The following LRRN4 variants were observed in gnomAD, a reference collection of about 807,000 sequenced individuals.
The protein encoded by LRRN4 is leucine-rich repeat neuronal protein 4.
Under a neutral mutation model 22.3 loss-of-function variants are expected in LRRN4, and 26 were observed. That is an observed-to-expected ratio of 1.16 (90% CI 0.85 to 1.62). The LOEUF is 1.62. Ranked by LOEUF, LRRN4 falls within the 40% of genes most tolerant of loss-of-function variation. The pLI is 0.00. For missense variants in LRRN4, 1,070 were observed against 1,008.5 expected, an observed-to-expected ratio of 1.06 and a Z score of -0.83; for synonymous variants, 496 against 486.2, an observed-to-expected ratio of 1.02 and a Z score of -0.26.
At position 6,050,924 on chromosome 20, in the gene LRRN4, G is replaced by A. The variant is rs556070083; in HGVS notation, c.715C>T (p.Pro239Ser). 9 of 1,614,154 alleles carry A rather than the reference G, an allele frequency of 5.6e-6. No individual in the cohort carries two copies. In the South Asian group the frequency reaches 6.6e-5, roughly 12 times the overall value. The change falls in exon 3 of 5, where the codon CCT (proline) becomes TCT (serine). Residue 239 changes from proline to serine, a missense_variant. Physicochemically the swap from Pro to Ser is moderately conservative, Grantham distance 74 (BLOSUM62 -1). Transcript: ENST00000378858. ...TCCCCCTCCAGGGTCGTCAGCCGAGGCATCTTCCTCAGGTAGAGGGATGTG... is the reference window on the plus strand; with the variant it reads ...TCCCCCTCCAGGGTCGTCAGCCGAGACATCTTCCTCAGGTAGAGGGATGTG... ...KLTSLYLRKM[P>S]RLTTLEGDIF...
At chr20:6,046,815 G>A (rs1036895659) in intron 3 of LRRN4, among the ~76,000 whole-genome samples, 2 of 148,822 alleles carry the variant, frequency 1.3e-5, no homozygotes, top group Non-Finnish European at 3.0e-5. Context: ...ATATACAAGT[G>A]TATATATGTA....
chr20:6,051,098 C>T (rs1430654281), intron 2 of LRRN4, 115 bp from the exon 3 acceptor site: 11 of 864,814 alleles, frequency 1.3e-5, no homozygotes, highest in Admixed American at 2.2e-5. Context: ...CATCGCTGAG[C>T]ACGGGCACAG....
At position 6,044,726 on chromosome 20, in the gene LRRN4, G is replaced by C; in HGVS notation, c.861-46C>G. On this transcript the variant is annotated intron_variant, in intron 3 of 4. Transcript: ENST00000378858. ...TTAATTAAGTCAGGTTTTTACAATT[G>C]TATCAAAGATATTCCCAGAGAGGCA... 6 of 1,440,712 alleles carry C rather than the reference G, an allele frequency of 4.2e-6. No homozygotes were observed. In the South Asian group the frequency reaches 9.9e-5, roughly 24 times the overall value. 89.2% of individuals were successfully genotyped at this position (1,440,712 alleles called of 1,614,324 possible). A position where few individuals can be genotyped will look rare whatever the true frequency, so the allele number is the denominator to read the frequency against.
intron 4 of LRRN4, 81 bp downstream of exon 4, chr20:6,044,462 T>G: frequency 1.5e-6 from 2 of 1,299,470 alleles, no homozygotes; most frequent in Non-Finnish European, 2.0e-6. Flanking sequence ...CATGGTCACA[T>G]GAGCAAGATG....
Position 6,049,865 on chromosome 20 carries a change from C to T in LRRN4, c.860+914G>A, listed in dbSNP as rs117344471. ...TCGCATTATAATTAGCACCAACAGC[C>T]TTCATCATCACCATCACCATCACTG... On this transcript the variant is annotated intron_variant, in intron 3 of 4. Transcript: ENST00000378858. 7.8e-3 allele frequency among the ~76,000 whole-genome samples: 1,193 copies of T among 152,200 alleles called. 5 individuals carry two copies. The highest frequency in any genetic ancestry group is 0.013 in the Non-Finnish European group (918 of 68,006).
chr20:6,047,224 C>T (rs1981120697), intron 3 of LRRN4, among the ~76,000 whole-genome samples: 1 of 152,134 alleles, frequency 6.6e-6, no homozygotes, highest in South Asian at 2.1e-4. Context: ...GTATTCTCTA[C>T]TTCTGATAGG....
rs1568638508 is a variant in LRRN4, at chr20:6,041,178, G to A, written c.2067C>T (p.Ala689=). The change falls in exon 5 of 5, where the codon GCC becomes GCT. Residue 689 remains alanine, a synonymous_variant. Transcript: ENST00000378858. This position sits in a 1 kb window ranked among gnomAD's most constrained non-coding sequence, Gnocchi z 9.4. The stretch of plus-strand genomic sequence containing the variant: ...TGCTGGCGAGCAACAGGCCGCTGGC[G>A]GCGCACAGCCCAGAGAGCAGGAGCG... ...SFALLLSGLC[A]ASGLLLASTV... The A allele has an allele frequency of 3.1e-6, 5 of 1,598,506 alleles. No individual in the cohort carries two copies. Among genetic ancestry groups the A allele is most frequent in the East Asian group, 2.3e-5 (1 of 43,980 alleles).
chr20:6,042,301 C>A, intron 4 of LRRN4, 55 bp from the exon 5 acceptor site: 1 of 1,536,176 alleles, frequency 6.5e-7, no homozygotes, highest in Non-Finnish European at 8.7e-7. Context: ...CACTTCTGCG[C>A]AGAGCTTTGA....
Position 6,041,903 on chromosome 20 carries a change from T to C in LRRN4, c.1342A>G (p.Arg448Gly). 6.2e-7 allele frequency: 1 copy of C among 1,614,004 alleles called. No homozygotes were observed. ...TGGGTCCTGGTGGTGCTGGCAGCCC[T>C]GGGGAAAACGCTGGAGTTGCTGTGA... ...AGHSNSSVFP[R>G]AASTTRTQHR... The change falls in exon 5 of 5, where the codon AGG becomes GGG. Residue 448 changes from arginine to glycine, a missense_variant. Arg to Gly is a moderately radical substitution (Grantham distance 125). Coordinates refer to ENST00000378858, the MANE Select transcript of LRRN4 (RefSeq NM_152611.5). This position sits in a 1 kb window ranked among gnomAD's most constrained non-coding sequence, Gnocchi z 9.4.
rs756500031 is a variant in LRRN4 at position 6,052,767 on chromosome 20, C to G, written c.33G>C (p.Thr11=). The change falls in exon 2 of 5, where the codon ACG becomes ACC. Residue 11 remains threonine (T), a synonymous_variant. Coordinates refer to ENST00000378858, the MANE Select transcript of LRRN4 (RefSeq NM_152611.5). The part of the protein sequence containing the change: MRQTLPLLLL[T]VLRPSWADPP... ...GGTCTGCCCAGCTGGGGCGCAGCAC[C>G]GTCAGCAGCAGCAGCGGTAGGGTTT... 15 of 1,575,322 alleles carry G rather than the reference C, an allele frequency of 9.5e-6. No homozygotes were observed. The highest frequency in any genetic ancestry group is 3.4e-5 in the South Asian group (3 of 87,170).
At position 6,041,969 on chromosome 20, in the gene LRRN4, G is replaced by A. The variant is rs1278663423; in HGVS notation, c.1276C>T (p.Arg426Trp). The A allele has an allele frequency of 7.4e-6, 12 of 1,614,068 alleles. No individual in the cohort carries two copies. Among genetic ancestry groups the A allele is most frequent in the Middle Eastern group, 3.3e-4 (2 of 6,058 alleles). Residue 426 changes from arginine (R) to tryptophan (W), a missense_variant, in exon 5 of 5, where the codon CGG (arginine) becomes TGG (tryptophan). Physicochemically the swap from Arg to Trp is moderately radical, Grantham distance 101. Coordinates refer to ENST00000378858, the MANE Select transcript of LRRN4 (RefSeq NM_152611.5). This position sits in a 1 kb window ranked among gnomAD's most constrained non-coding sequence, Gnocchi z 9.4. ...TIAAWPHSDAREGTAPSTTNS... is the reference protein window; with the variant it reads ...TIAAWPHSDAWEGTAPSTTNS... ...GTCGTGGAGGGGGCAGTCCCCTCCC[G>A]TGCATCGCTGTGCGGCCATGCAGCT... is the stretch of plus-strand genomic sequence containing the variant.
chr20:6,050,034 C>CT (rs1022105052), intron 3 of LRRN4, among the ~76,000 whole-genome samples: 4 of 151,968 alleles, frequency 2.6e-5, no homozygotes, highest in African/African-American at 9.7e-5. Flanking sequence ...AAACCATATA[C>CT]TTTTTTTCTC....
rs771460453 is a variant in LRRN4 at position 6,041,649 on chromosome 20, TTCC to T, written c.1593_1595del (p.Glu532del). 2.5e-5 allele frequency: 40 copies of T among 1,607,512 alleles called. No individual in the cohort carries two copies. Among genetic ancestry groups the T allele is most frequent in the African/African-American group, 1.7e-4 (13 of 74,942 alleles). ...GCGTTCCCACCTCCTCCTTCCTCCC[TTCC>T]TCCTCCTCACTGTAGTCGTCCAGCA... On this transcript the variant is annotated inframe_deletion, in exon 5 of 5. Coordinates refer to ENST00000378858, the MANE Select transcript of LRRN4 (RefSeq NM_152611.5). This position sits in a 1 kb window ranked among gnomAD's most constrained non-coding sequence, Gnocchi z 9.4.
At position 6,041,576 on chromosome 20, in the gene LRRN4, T is replaced by C. The variant is rs201219750; in HGVS notation, c.1669A>G (p.Thr557Ala). ...CDYHPCKHLQTPCAELQRRWR... is the reference protein window; with the variant it reads ...CDYHPCKHLQAPCAELQRRWR... Reference sequence around the variant, plus strand: ...CGCCTCTGCAGCTCCGCGCACGGGGTCTGCAGGTGCTTGCAGGGATGGTAA... The same window carrying C: ...CGCCTCTGCAGCTCCGCGCACGGGGCCTGCAGGTGCTTGCAGGGATGGTAA... The change falls in exon 5 of 5, where the codon ACC becomes GCC. Residue 557 changes from threonine to alanine, a missense_variant. Thr to Ala is a moderately conservative substitution (Grantham distance 58). Coordinates refer to ENST00000378858, the MANE Select transcript of LRRN4 (RefSeq NM_152611.5). This position sits in a 1 kb window ranked among gnomAD's most constrained non-coding sequence, Gnocchi z 9.4. The C allele has an allele frequency of 7.5e-5, 117 of 1,561,608 alleles. No individual in the cohort carries two copies. The East Asian group carries it at 2.5e-3, about 33-fold the overall frequency.
In LRRN4 at chr20:6,042,097, T is replaced by C. The variant is rs780309801; in HGVS notation, c.1148A>G (p.Tyr383Cys). 2.5e-6 allele frequency: 4 copies of C among 1,614,024 alleles called. No homozygotes were observed. The highest frequency in any genetic ancestry group is 1.3e-5 in the African/African-American group (1 of 75,006). ...SHPPCFNRST[Y>C]AQGTTVAPSA... ...GGGCGCGACGGTGGTACCCTGTGCGTAGGTGGAGCGGTTGAAGCAAGGTGG... is the reference window on the plus strand; with the variant it reads ...GGGCGCGACGGTGGTACCCTGTGCGCAGGTGGAGCGGTTGAAGCAAGGTGG... The change falls in exon 5 of 5, where the codon TAC becomes TGC. Residue 383 changes from tyrosine (Y) to cysteine (C), a missense_variant. Physicochemically the swap from Tyr to Cys is radical, Grantham distance 194. Coordinates refer to ENST00000378858, the MANE Select transcript of LRRN4 (RefSeq NM_152611.5).
rs1368726322 is a variant in LRRN4 at position 6,052,559 on chromosome 20, C to T, written c.241G>A (p.Asp81Asn). 1 of 1,579,022 alleles carries T rather than the reference C, an allele frequency of 6.3e-7. No individual in the cohort carries two copies. The highest frequency in any genetic ancestry group is 8.5e-7 in the Non-Finnish European group (1 of 1,171,424). ...GCGCGCAGCAGGTTGTGGCTGGCGT[C>T]GAGGCTGCGCAGTGTGCGCGGTAGG... ...GCLPRTLRSL[D>N]ASHNLLRALS... is the part of the protein sequence containing the mutation. Residue 81 changes from aspartate to asparagine, a missense_variant, in exon 2 of 5, where the codon GAC (aspartate) becomes AAC (asparagine). Asp to Asn is a conservative substitution (Grantham distance 23). Transcript: ENST00000378858.
intron 2 of LRRN4, among the ~76,000 whole-genome samples, 181 bp downstream of exon 2, chr20:6,051,964 G>T (rs1981255609): frequency 6.6e-6 from 1 of 152,220 alleles, no homozygotes; most frequent in Non-Finnish European, 1.5e-5. Context: ...AGTGACTCCT[G>T]TGTGGCGCTT....
chr20:6,044,694 A>C lies in LRRN4; in HGVS notation c.861-14T>G, dbSNP rs1415558336. Reference sequence around the variant, plus strand: ...CTCAAGTTGCAGCTGAAATACAAACAAAAAAATTAATTAAGTCAGGTTTTT... The same window carrying C: ...CTCAAGTTGCAGCTGAAATACAAACCAAAAAATTAATTAAGTCAGGTTTTT... On this transcript the variant is annotated splice_polypyrimidine_tract_variant and intron_variant, in intron 3 of 4. Coordinates refer to ENST00000378858, the MANE Select transcript of LRRN4 (RefSeq NM_152611.5). 3 of 1,504,164 alleles carry C rather than the reference A, an allele frequency of 2.0e-6. No individual in the cohort carries two copies. Among genetic ancestry groups the C allele is most frequent in the African/African-American group, 2.8e-5 (2 of 70,976 alleles). 93.2% of individuals were successfully genotyped at this position (1,504,164 alleles called of 1,614,324 possible).
chr20:6,052,070 C>T lies in LRRN4; in HGVS notation c.655+75G>A, dbSNP rs1012477021. 4 of 1,489,480 alleles carry T rather than the reference C, an allele frequency of 2.7e-6. No homozygotes were observed. The African/African-American group carries it at 5.8e-5, about 22-fold the overall frequency. The allele number at this position is 1,489,480 out of a possible 1,614,324, so 92.3% of individuals were successfully genotyped here. ...GGTCACCCCTCGAGGAAGAACGCAGCCCTGCCCCCCGGAGCGCACGCGCAG... is the reference window on the plus strand; with the variant it reads ...GGTCACCCCTCGAGGAAGAACGCAGTCCTGCCCCCCGGAGCGCACGCGCAG... On this transcript the variant is annotated intron_variant, in intron 2 of 4. Coordinates refer to ENST00000378858, the MANE Select transcript of LRRN4 (RefSeq NM_152611.5).
Sources: gnomAD v4.1 joint callset for allele counts (sites outside exome capture counted in the v4.1 genomes callset) on GRCh38, gnomAD v4.1.1 for gene constraint, Gnocchi (gnomAD v3.1) non-coding constraint, MANE v1.5 for transcripts, NCBI Gene and HGNC (gene_info 2026-07-23, HGNC 2026-07-21) for gene names.